Variants in WNK4 observed in about 807,000 individuals in gnomAD.
WNK4 encodes serine/threonine-protein kinase WNK4.
WNK4 carries 94 observed loss-of-function variants against 116.2 expected under a neutral mutation model. The ratio of observed to expected loss-of-function variants is 0.81; its 90% CI spans 0.68 to 0.96. WNK4 has a LOEUF of 0.96. Ranked by LOEUF, WNK4 falls within the 40% of genes least tolerant of loss-of-function variation. The pLI, the probability that WNK4 is intolerant of heterozygous loss-of-function variation, is 0.00. For synonymous variants in WNK4, 655 were observed against 672.7 expected, an observed-to-expected ratio of 0.97 and a Z score of 0.41; for missense variants, 1,542 against 1,650.6, an observed-to-expected ratio of 0.93 and a Z score of 1.14.
At chr17:42,788,501 A>G (rs1281795353) in intron 10 of WNK4, 94 bp downstream of exon 10, 4 of 1,347,050 alleles carry the variant, frequency 3.0e-6, no homozygotes, top group Non-Finnish European at 4.2e-6. Context: ...AAACGGGAGA[A>G]GCAGTGTATG....
At position 42,781,100 on chromosome 17, in the gene WNK4, G is replaced by C. The variant is rs1281415449; in HGVS notation, c.402G>C (p.Pro134=). 3 of 1,613,398 alleles carry C rather than the reference G, an allele frequency of 1.9e-6. No homozygotes were observed. The highest frequency in any genetic ancestry group is 2.2e-5 in the South Asian group (2 of 91,080). Residue 134 remains proline, a synonymous_variant, in exon 1 of 19, where the codon CCG becomes CCC. Coordinates refer to ENST00000246914, the MANE Select transcript of WNK4 (RefSeq NM_032387.5). Reference sequence around the variant, plus strand: ...AGCTCCCGGACTCTGCAGTGGGCCCGGGGTCCAGGGAGCCGCTAAGGGTCC... The same window carrying C: ...AGCTCCCGGACTCTGCAGTGGGCCCCGGGTCCAGGGAGCCGCTAAGGGTCC... ...RPELPDSAVG[P]GSREPLRVPE... is the part of the protein sequence containing the mutation.
rs149157215 is a variant in WNK4, at chr17:42,782,916, G to C, written c.777G>C (p.Ser259=). The C allele has an allele frequency of 6.2e-7, 1 of 1,614,052 alleles. No homozygotes were observed. Among genetic ancestry groups the C allele is most frequent in the Non-Finnish European group, 8.5e-7 (1 of 1,179,992 alleles). Residue 259 remains serine, a synonymous_variant, in exon 2 of 19, where the codon TCG becomes TCC. Coordinates refer to ENST00000246914, the MANE Select transcript of WNK4 (RefSeq NM_032387.5). The surrounding 1 kb of genome is among the most constrained non-coding windows in gnomAD (Gnocchi z 4.2). ...TGCTGGTCACCGAACTCATGACCTC[G>C]GGCACGCTCAAGACGTGAGCTCTGC... ...CIVLVTELMT[S]GTLKTYLRRF...
intron 2 of WNK4, 64 bp from the exon 3 acceptor site, chr17:42,783,873 T>TG (rs775813085): frequency 1.3e-5 from 19 of 1,502,190 alleles, no homozygotes; most frequent in Middle Eastern, 1.7e-4. Flanking sequence ...AACTTCCCAG[T>TG]GGGGGGCTCC....
rs770716517 is a variant in WNK4, at chr17:42,787,818, C to T, written c.1782C>T (p.Phe594=). 65 of 1,612,470 alleles carry T rather than the reference C, an allele frequency of 4.0e-5. No individual in the cohort carries two copies. Among genetic ancestry groups the T allele is most frequent in the Non-Finnish European group, 5.1e-5 (60 of 1,180,034 alleles). The change falls in exon 8 of 19, where the codon TTC becomes TTT. Residue 594 remains phenylalanine (F), a synonymous_variant. Coordinates refer to ENST00000246914, the MANE Select transcript of WNK4 (RefSeq NM_032387.5). The part of the protein sequence containing the change: ...ETDGYLSSSG[F]LDASDPALQP... ...ATGGCTACCTCAGCTCCTCCGGCTTCCTGGATGCCTCAGACCCTGCCCTTC... is the reference window on the plus strand; with the variant it reads ...ATGGCTACCTCAGCTCCTCCGGCTTTCTGGATGCCTCAGACCCTGCCCTTC...
chr17:42,785,405 C>T lies in WNK4; in HGVS notation c.1399C>T (p.Arg467Cys). 2.5e-6 allele frequency: 4 copies of T among 1,574,644 alleles called. No homozygotes were observed. Among genetic ancestry groups the T allele is most frequent in the South Asian group, 2.3e-5 (2 of 86,248 alleles). The change falls in exon 6 of 19, where the codon CGC becomes TGC. Residue 467 changes from arginine (R) to cysteine (C), a missense_variant. Coordinates refer to ENST00000246914, the MANE Select transcript of WNK4 (RefSeq NM_032387.5). ...LRMEDARRGGRPRDNQAIEFL... is the reference protein window; with the variant it reads ...LRMEDARRGGCPRDNQAIEFL... ...CATGGAGGACGCGCGGCGCGGGGGGCGCCCACGGGACAACCAGGCCATCGA... is the reference window on the plus strand; with the variant it reads ...CATGGAGGACGCGCGGCGCGGGGGGTGCCCACGGGACAACCAGGCCATCGA...
Position 42,782,895 on chromosome 17 carries a change from G to T in WNK4, c.756G>T (p.Leu252=), listed in dbSNP as rs1462030790. The change falls in exon 2 of 19, where the codon CTG becomes CTT. Residue 252 remains leucine (L), a synonymous_variant. Transcript: ENST00000246914. This position sits in a 1 kb window ranked among gnomAD's most constrained non-coding sequence, Gnocchi z 4.2. ...TGAGGGGCCAGGTTTGCATCGTGCT[G>T]GTCACCGAACTCATGACCTCGGGCA... ...SVLRGQVCIV[L]VTELMTSGTL... is the part of the protein sequence containing the mutation. 1.9e-6 allele frequency: 3 copies of T among 1,614,060 alleles called. No homozygotes were observed. Among genetic ancestry groups the T allele is most frequent in the Admixed American group, 3.3e-5 (2 of 60,004 alleles).
chr17:42,793,562 C>T lies in WNK4; in HGVS notation c.2158-30C>T, dbSNP rs753197331. ...AGAGGGATGAGTGAGATAACAAGCT[C>T]TCCCTCCCCATCCTGTTGACCCTCG... On this transcript the variant is annotated intron_variant, in intron 11 of 18. Transcript: ENST00000246914. 5.1e-5 allele frequency: 83 copies of T among 1,612,762 alleles called. No homozygotes were observed. The Admixed American group carries it at 1.0e-3, about 20-fold the overall frequency.
chr17:42,796,474 C>T lies in WNK4; in HGVS notation c.3632-7C>T, dbSNP rs377423804. On this transcript the variant is annotated splice_polypyrimidine_tract_variant and splice_region_variant and intron_variant, in intron 17 of 18. Coordinates refer to ENST00000246914, the MANE Select transcript of WNK4 (RefSeq NM_032387.5). ...TTAGTGCTCTCCTTCCCCCATCCTG[C>T]TCCCAGGCATCATGCGAAGGAACTC... 6.2e-7 allele frequency: 1 copy of T among 1,613,944 alleles called. No individual in the cohort carries two copies. Among genetic ancestry groups the T allele is most frequent in the Non-Finnish European group, 8.5e-7 (1 of 1,179,906 alleles).
intron 8 of WNK4, 26 bp from the exon 9 acceptor site, chr17:42,788,104 C>T (rs377425471): frequency 9.3e-6 from 15 of 1,613,860 alleles, no homozygotes; most frequent in Non-Finnish European, 1.1e-5. Context: ...CTTCCCCTGA[C>T]CTCATGAACC....
At chr17:42,785,618 C>A in intron 6 of WNK4, 136 bp downstream of exon 6, 1 of 1,108,112 alleles carries the variant, frequency 9.0e-7, no homozygotes, top group Non-Finnish European at 1.3e-6. Context: ...AAATCTCCTG[C>A]AGCGTCTCCC....
Position 42,796,027 on chromosome 17 carries a change from G to T in WNK4, c.3425G>T (p.Arg1142Leu). The stretch of plus-strand genomic sequence containing the variant: ...TTCTGGGCTGAGCTGCAGAGTCTTC[G>T]GCAGAAGTGAGTCTCGGGAGGATGG... ...EEFWAELQSL[R>L]QKHLSEVETL... The change falls in exon 16 of 19, where the codon CGG becomes CTG. Residue 1142 changes from arginine (R) to leucine (L), a missense_variant. Coordinates refer to ENST00000246914, the MANE Select transcript of WNK4 (RefSeq NM_032387.5). 1 of 1,613,920 alleles carries T rather than the reference G, an allele frequency of 6.2e-7. No individual in the cohort carries two copies. The highest frequency in any genetic ancestry group is 2.2e-5 in the East Asian group (1 of 44,884).
intron 11 of WNK4, among the ~76,000 whole-genome samples, chr17:42,790,597 C>G (rs2054598184): frequency 1.3e-5 from 2 of 151,994 alleles, no homozygotes; most frequent in African/African-American, 4.8e-5. Context: ...TCAGCGCATA[C>G]CACCAGTTCT....
chr17:42,787,293 G>C lies in WNK4; in HGVS notation c.1492G>C (p.Val498Leu), dbSNP rs770542554. 34 of 1,613,910 alleles carry C rather than the reference G, an allele frequency of 2.1e-5. No individual in the cohort carries two copies. The highest frequency in any genetic ancestry group is 2.8e-5 in the Non-Finnish European group (33 of 1,180,040). Residue 498 changes from valine (V) to leucine (L), a missense_variant, in exon 7 of 19, where the codon GTC becomes CTC. By Grantham distance (32) the Val-to-Leu change is conservative (BLOSUM62 1). Coordinates refer to ENST00000246914, the MANE Select transcript of WNK4 (RefSeq NM_032387.5). ...VAQEMVALGLVCEADYQPVAR... is the reference protein window; with the variant it reads ...VAQEMVALGLLCEADYQPVAR... ...CCAATTCCAGGTGGCTCTGGGCTTG[G>C]TCTGTGAAGCCGATTACCAGCCAGT...
rs767158498 is a variant in WNK4, at chr17:42,784,108, C to G, written c.963C>G (p.Asp321Glu). 1 of 1,610,870 alleles carries G rather than the reference C, an allele frequency of 6.2e-7. No homozygotes were observed. The highest frequency in any genetic ancestry group is 2.2e-5 in the East Asian group (1 of 44,880). Residue 321 changes from aspartate to glutamate, a missense_variant, in exon 3 of 19, where the codon GAC becomes GAG. Around this residue, in one of 7 missense-constraint regions of WNK4, gnomAD observed 808 missense variants for 873.6 expected, o/e 0.92. Coordinates refer to ENST00000246914, the MANE Select transcript of WNK4 (RefSeq NM_032387.5). The surrounding 1 kb of genome is among the most constrained non-coding windows in gnomAD (Gnocchi z 4.4). ...CTACTGGCTCTGTCAAAATCGGGGA[C>G]CTGGGCCTGGCCACGCTCAAGCGCG... ...TGPTGSVKIGDLGLATLKRAS... is the reference protein window; with the variant it reads ...TGPTGSVKIGELGLATLKRAS...
At chr17:42,791,931 T>C (rs1190088384) in intron 11 of WNK4, among the ~76,000 whole-genome samples, 1 of 150,598 alleles carries the variant, frequency 6.6e-6, no homozygotes, top group Admixed American at 6.6e-5. Context: ...GCCTGGGTGA[T>C]AGAGCAAGGC....
At position 42,784,882 on chromosome 17, in the gene WNK4, G is replaced by A. The variant is rs1201758454; in HGVS notation, c.1171-215G>A. ...ATGTTCCACCCTGCGATTTACAGAT[G>A]AACAAACAGCGGGAGACTTGTTCAA... On this transcript the variant is annotated intron_variant, in intron 4 of 18. Coordinates refer to ENST00000246914, the MANE Select transcript of WNK4 (RefSeq NM_032387.5). This position sits in a 1 kb window ranked among gnomAD's most constrained non-coding sequence, Gnocchi z 4.4. 2.1e-5 allele frequency among the ~76,000 whole-genome samples: 3 copies of A among 146,094 alleles called. No individual in the cohort carries two copies. The highest frequency in any genetic ancestry group is 5.4e-5 in the African/African-American group (2 of 36,984).
rs536776246 is a variant in WNK4 at position 42,783,970 on chromosome 17, G to A, written c.825G>A (p.Arg275=). The A allele has an allele frequency of 2.5e-4, 397 of 1,613,960 alleles. 3 individuals carry two copies. In the South Asian group the frequency reaches 4.3e-3, roughly 17 times the overall value. ...GGCGGTTCCGGGAGATGAAGCCGCG[G>A]GTCCTTCAGCGCTGGAGCCGCCAAA... The part of the protein sequence containing the change: ...YLRRFREMKP[R]VLQRWSRQIL... The change falls in exon 3 of 19, where the codon CGG becomes CGA. Residue 275 remains arginine (R), a synonymous_variant. Coordinates refer to ENST00000246914, the MANE Select transcript of WNK4 (RefSeq NM_032387.5).
chr17:42,794,188 A>G, intron 12 of WNK4: 1 of 309,108 alleles, frequency 3.2e-6, no homozygotes, highest in Non-Finnish European at 6.2e-6. Flanking sequence ...TGAGAATATG[A>G]TGAAAGCCAT....
At chr17:42,783,861 G>A (rs1309551062) in intron 2 of WNK4, 76 bp from the exon 3 acceptor site, 1 of 1,415,066 alleles carries the variant, frequency 7.1e-7, no homozygotes, top group Admixed American at 1.9e-5. Flanking sequence ...GCGGCAGGGG[G>A]GAACTTCCCA....
Sources: gnomAD v4.1 joint callset for allele counts (sites outside exome capture counted in the v4.1 genomes callset) on GRCh38, gnomAD v4.1.1 for gene constraint, gnomAD v4.1.1 regional missense constraint, Gnocchi (gnomAD v3.1) non-coding constraint, MANE v1.5 for transcripts, NCBI Gene and HGNC (gene_info 2026-07-23, HGNC 2026-07-21) for gene names.